The following NCAM2 variants were observed in gnomAD, a reference collection of about 807,000 sequenced individuals.
The protein encoded by NCAM2 is neural cell adhesion molecule 2.
Under a neutral mutation model 98.1 loss-of-function variants are expected in NCAM2, and 30 were observed. That is an observed-to-expected ratio of 0.31 (90% confidence interval 0.23 to 0.41). NCAM2 has a LOEUF of 0.41. Ranked by LOEUF, NCAM2 falls within the 10% of genes least tolerant of loss-of-function variation. The probability of loss-of-function intolerance (pLI) is 1.00; values close to 1 mark genes in which losing one functional copy is unlikely to be tolerated. For missense variants in NCAM2, 867 were observed against 1,005.8 expected, an observed-to-expected ratio of 0.86 and a Z score of 1.87; for synonymous variants, 368 against 342.4, an observed-to-expected ratio of 1.07 and a Z score of -0.83.
intron 1 of NCAM2, among the ~76,000 whole-genome samples, chr21:21,088,285 G>T (rs1438295626): frequency 6.6e-6 from 1 of 152,160 alleles, no homozygotes; most frequent in African/African-American, 2.4e-5. Context: ...TGCAAAGCCA[G>T]ATATTAGGTT....
chr21:21,294,532 C>T (rs1045671429), intron 5 of NCAM2, among the ~76,000 whole-genome samples: 2 of 151,778 alleles, frequency 1.3e-5, no homozygotes, highest in Non-Finnish European at 2.9e-5. Context: ...CATCTTTGCT[C>T]GGACATTGAT....
intron 1 of NCAM2, among the ~76,000 whole-genome samples, chr21:21,211,654 G>A (rs1207442792): frequency 1.3e-5 from 2 of 152,196 alleles, no homozygotes; most frequent in East Asian, 3.8e-4. Flanking sequence ...CAGGGCACAC[G>A]TTTTCCAAAA....
chr21:21,184,719 C>T lies in NCAM2; in HGVS notation c.56-95859C>T, dbSNP rs2068583573. The stretch of plus-strand genomic sequence containing the variant: ...CCCAGTTTCTTGCCAATTTTCCCTT[C>T]TAGTAAATACCTAGAGTATTAATAT... On this transcript the variant is annotated intron_variant, in intron 1 of 17. Coordinates refer to ENST00000400546, the MANE Select transcript of NCAM2 (RefSeq NM_004540.5). Among the ~76,000 whole-genome samples the T allele has an allele frequency of 3.9e-5, 6 of 152,080 alleles. No homozygotes were observed. In the South Asian group the frequency reaches 1.2e-3, roughly 31 times the overall value.
At chr21:21,518,316 C>A (rs1988826423) in intron 16 of NCAM2, among the ~76,000 whole-genome samples, 1 of 152,022 alleles carries the variant, frequency 6.6e-6, no homozygotes, top group African/African-American at 2.4e-5. Flanking sequence ...AAATTAGATT[C>A]AACTGTTCTC....
intron 12 of NCAM2, among the ~76,000 whole-genome samples, chr21:21,433,491 G>T (rs2077388158): frequency 6.6e-6 from 1 of 151,848 alleles, no homozygotes; most frequent in South Asian, 2.1e-4. Context: ...TGTAATCCCA[G>T]CACTTTTGGA....
chr21:21,264,463 A>G (rs1049646355), intron 1 of NCAM2, among the ~76,000 whole-genome samples: 5 of 151,984 alleles, frequency 3.3e-5, no homozygotes, highest in African/African-American at 1.2e-4. Context: ...TAAAAATAGA[A>G]CTACCATTTG....
intron 15 of NCAM2, among the ~76,000 whole-genome samples, chr21:21,479,215 T>TA (rs1267765239): frequency 6.6e-6 from 1 of 152,020 alleles, no homozygotes; most frequent in African/African-American, 2.4e-5. Flanking sequence ...ATAACATAGA[T>TA]AAAACATAAA....
chr21:21,201,497 A>G (rs1424253295), intron 1 of NCAM2, among the ~76,000 whole-genome samples: 3 of 152,198 alleles, frequency 2.0e-5, no homozygotes, highest in South Asian at 2.1e-4. Context: ...CTGACAAACT[A>G]AAGGACAATA....
intron 1 of NCAM2, among the ~76,000 whole-genome samples, chr21:21,084,003 T>C (rs2065861688): frequency 6.6e-6 from 1 of 152,190 alleles, no homozygotes; most frequent in African/African-American, 2.4e-5. Context: ...ATTGGGTGGC[T>C]TAAACAACAG....
At position 20,998,601 on chromosome 21, in the gene NCAM2, T is replaced by A. The variant is rs1421132580; in HGVS notation, c.38T>A (p.Leu13His). ...CTCTCCTTCTACCTGCTGGGGTTGC[T>A]TGTCAGTAGCGGGCAAGGTAGGAGT... ...LLLSFYLLGL[L>H]VSSGQALLQV... Residue 13 changes from leucine to histidine, a missense_variant, in exon 1 of 18, where the codon CTT becomes CAT. Leu to His is a moderately conservative substitution (Grantham distance 99). This residue lies in a region of NCAM2 where 447 missense variants were observed against 495.7 expected (regional missense o/e 0.90). Coordinates refer to ENST00000400546, the MANE Select transcript of NCAM2 (RefSeq NM_004540.5). 1.2e-6 allele frequency: 2 copies of A among 1,614,002 alleles called. No individual in the cohort carries two copies.
intron 8 of NCAM2, among the ~76,000 whole-genome samples, chr21:21,359,227 A>G (rs997073556): frequency 2.6e-5 from 4 of 151,980 alleles, no homozygotes; most frequent in Non-Finnish European, 4.4e-5. Flanking sequence ...GAGCAATAAT[A>G]TAAGTCCCTG....
intron 1 of NCAM2, among the ~76,000 whole-genome samples, chr21:21,093,510 T>A (rs2066056608): frequency 6.6e-6 from 1 of 152,118 alleles, no homozygotes; most frequent in Non-Finnish European, 1.5e-5. Flanking sequence ...TCAGGCAGAT[T>A]TGACCTGTTA....
At chr21:21,014,047 C>T (rs1177082105) in intron 1 of NCAM2, among the ~76,000 whole-genome samples, 1 of 152,176 alleles carries the variant, frequency 6.6e-6, no homozygotes, top group Non-Finnish European at 1.5e-5. Flanking sequence ...TGCTTGGCTT[C>T]AAAGTTGCAA....
chr21:21,472,655 A>G (rs931540948), intron 14 of NCAM2, among the ~76,000 whole-genome samples: 10 of 151,522 alleles, frequency 6.6e-5, no homozygotes, highest in Non-Finnish European at 1.0e-4. Context: ...TATAAATAGT[A>G]TTATAAATAG....
At chr21:21,353,521 G>T (rs2147952983) in intron 8 of NCAM2, among the ~76,000 whole-genome samples, 1 of 152,252 alleles carries the variant, frequency 6.6e-6, no homozygotes. Context: ...ACAGGCGAGT[G>T]CACATAAGGT....
Position 21,432,241 on chromosome 21 carries a change from G to C in NCAM2, c.1614G>C (p.Ala538=), listed in dbSNP as rs377668299. The C allele has an allele frequency of 6.2e-7, 1 of 1,614,022 alleles. No homozygotes were observed. Among genetic ancestry groups the C allele is most frequent in the East Asian group, 2.2e-5 (1 of 44,870 alleles). ...HHYQVDVKEV[A]SEIWKIVRSH... ...ATCAGGTGGATGTCAAAGAAGTAGCGTCAGAAATCTGGAAAATTGTACGCT... is the reference window on the plus strand; with the variant it reads ...ATCAGGTGGATGTCAAAGAAGTAGCCTCAGAAATCTGGAAAATTGTACGCT... Residue 538 remains alanine, a synonymous_variant, in exon 12 of 18, where the codon GCG becomes GCC. Transcript: ENST00000400546.
chr21:21,406,264 A>C lies in NCAM2; in HGVS notation c.1196-4010A>C, dbSNP rs1200435156. Among the ~76,000 whole-genome samples the C allele has an allele frequency of 2.0e-5, 3 of 152,200 alleles. No individual in the cohort carries two copies. The East Asian group carries it at 5.8e-4, about 29-fold the overall frequency. ...TAGAGTGAGAGATGGCAGTGGATGAAAAGTTATTAAGAGGGACCTGGTAAA... is the reference window on the plus strand; with the variant it reads ...TAGAGTGAGAGATGGCAGTGGATGACAAGTTATTAAGAGGGACCTGGTAAA... On this transcript the variant is annotated intron_variant, in intron 9 of 17. Transcript: ENST00000400546.
chr21:21,437,317 G>A (rs1327328645), intron 12 of NCAM2, among the ~76,000 whole-genome samples: 1 of 151,772 alleles, frequency 6.6e-6, no homozygotes, highest in Non-Finnish European at 1.5e-5. Context: ...CTTCCACTGG[G>A]GCATGCCAGA....
At chr21:21,123,098 T>C (rs1256790506) in intron 1 of NCAM2, among the ~76,000 whole-genome samples, 1 of 152,118 alleles carries the variant, frequency 6.6e-6, no homozygotes, top group Non-Finnish European at 1.5e-5. Flanking sequence ...GAACATATGA[T>C]TTGAAAATTT....
Sources: allele counts gnomAD v4.1 joint callset (sites outside exome capture counted in the v4.1 genomes callset), GRCh38; gene constraint gnomAD v4.1.1; regional missense constraint gnomAD v4.1.1; transcripts MANE v1.5; gene names NCBI Gene and HGNC (gene_info 2026-07-23, HGNC 2026-07-21).